PHTF1: variants seen among roughly 807,000 people sequenced by gnomAD.
PHTF1 encodes putative homeodomain transcription factor 1.
A neutral mutation model predicts 102.4 loss-of-function variants in PHTF1; 88 were observed. That is an observed-to-expected ratio of 0.86 (90% CI 0.72 to 1.03). PHTF1 has a LOEUF of 1.03. Ranked by LOEUF, PHTF1 falls within the 50% of genes least tolerant of loss-of-function variation. The pLI, the probability that PHTF1 is intolerant of heterozygous loss-of-function variation, is 0.00. For missense variants in PHTF1, 814 were observed against 909.5 expected (o/e 0.89, Z 1.35); for synonymous variants, 289 against 305.2 (o/e 0.95, Z 0.55).
rs764538162 is a variant in PHTF1, at chr1:113,710,297, T to C, written c.1226A>G (p.His409Arg). The change falls in exon 11 of 19, where the codon CAC becomes CGC. Residue 409 changes from histidine (H) to arginine (R), a missense_variant. Coordinates refer to ENST00000369604, the MANE Select transcript of PHTF1 (RefSeq NM_001323043.2). Reference protein sequence around the residue: ...DSEGAHVNTLHSGTKRDPKED... With the variant: ...DSEGAHVNTLRSGTKRDPKED... ...TTTGGGGTCACGTTTGGTCCCTGAG[T>C]GAAGGGTATTCACATGGGCCCCCTC... The C allele has an allele frequency of 1.9e-6, 3 of 1,613,932 alleles. No individual in the cohort carries two copies. The highest frequency in any genetic ancestry group is 1.7e-5 in the Admixed American group (1 of 60,026).
rs1473034077 is a variant in PHTF1, at chr1:113,700,186, C to T, written c.2047-387G>A. The stretch of plus-strand genomic sequence containing the variant: ...TTTATGGAACAGAAGAAGATAGCTC[C>T]TTTTACTTTACTAATTCCTTATATT... On this transcript the variant is annotated intron_variant, in intron 16 of 18. Coordinates refer to ENST00000369604, the MANE Select transcript of PHTF1 (RefSeq NM_001323043.2). 2.2e-5 allele frequency: 21 copies of T among 953,376 alleles called. 1 individual carries two copies. In the African/African-American group the frequency reaches 3.5e-4, roughly 16 times the overall value. The allele number at this position is 953,376 out of a possible 1,614,324, so 59.1% of individuals were successfully genotyped here.
intron 5 of PHTF1, among the ~76,000 whole-genome samples, chr1:113,728,637 T>C (rs1156581302): frequency 6.6e-6 from 1 of 152,186 alleles, no homozygotes; most frequent in Admixed American, 6.5e-5. Context: ...GGTTGGGCAC[T>C]GTGGCTCATG....
rs917043534 is a variant in PHTF1, at chr1:113,710,396, G to A, written c.1127C>T (p.Ser376Leu). The change falls in exon 11 of 19, where the codon TCG becomes TTG. Residue 376 changes from serine (S) to leucine (L), a missense_variant. Coordinates refer to ENST00000369604, the MANE Select transcript of PHTF1 (RefSeq NM_001323043.2). ...GTCCCATAACATGTCCTCAGTCTCC[G>A]AGTCATGGCGGGTGCTTTCTGAGTC... ...RRDSESTRHD[S>L]ETEDMLWDDL... is the part of the protein sequence containing the mutation. The A allele has an allele frequency of 3.7e-6, 6 of 1,613,996 alleles. No homozygotes were observed. Among genetic ancestry groups the A allele is most frequent in the African/African-American group, 1.3e-5 (1 of 74,916 alleles).
At chr1:113,744,485 T>C (rs868442296) in intron 3 of PHTF1, among the ~76,000 whole-genome samples, 2 of 152,198 alleles carry the variant, frequency 1.3e-5, no homozygotes, top group Non-Finnish European at 2.9e-5. Flanking sequence ...TTGGGGCATA[T>C]GGTGAACAAC....
At chr1:113,713,686 G>T in intron 7 of PHTF1, 1 of 389,736 alleles carries the variant, frequency 2.6e-6, no homozygotes, top group South Asian at 2.9e-5. Context: ...ACTTTTCAGT[G>T]TTGCACAAAA....
upstream of PHTF1, among the ~76,000 whole-genome samples, chr1:113,759,861 G>A (rs566167715): frequency 6.6e-6 from 1 of 152,312 alleles, no homozygotes; most frequent in East Asian, 1.9e-4. Flanking sequence ...CTGGGGCCTG[G>A]CACAAGCCTG....
At chr1:113,723,694 A>G (rs1653361164) in intron 7 of PHTF1, among the ~76,000 whole-genome samples, 1 of 152,250 alleles carries the variant, frequency 6.6e-6, no homozygotes, top group African/African-American at 2.4e-5. Context: ...CATTAGGGAA[A>G]CTCTCCAGAT....
At chr1:113,698,181 ACACACAC>A in intron 18 of PHTF1, 74 bp downstream of exon 18, 1 of 739,698 alleles carries the variant, frequency 1.4e-6, no homozygotes, top group Non-Finnish European at 2.2e-6. Flanking sequence ...ACACACACAC[ACACACAC>A]GTGTGAAGAA....
At chr1:113,713,463 G>T (rs757623397) in intron 7 of PHTF1, 25 bp from the exon 8 acceptor site, 1 of 1,363,830 alleles carries the variant, frequency 7.3e-7, no homozygotes, top group Non-Finnish European at 1.0e-6. Flanking sequence ...AGGAAAAGAA[G>T]ATTAATTTTT....
At position 113,748,098 on chromosome 1, in the gene PHTF1, C is replaced by T. The variant is rs1371303385; in HGVS notation, c.103-9299G>A. Among the ~76,000 whole-genome samples, 8 of 152,144 alleles carry T rather than the reference C, an allele frequency of 5.3e-5. No homozygotes were observed. The East Asian group carries it at 1.2e-3, about 22-fold the overall frequency. On this transcript the variant is annotated intron_variant, in intron 3 of 18. Coordinates refer to ENST00000369604, the MANE Select transcript of PHTF1 (RefSeq NM_001323043.2). ...GCTCAAAGGACCCTTTCACCTCAGC[C>T]GTCTGAGTAGCTGCGACTACAGGCA...
chr1:113,752,696 T>G (rs565266500), intron 3 of PHTF1, among the ~76,000 whole-genome samples: 2 of 152,282 alleles, frequency 1.3e-5, no homozygotes, highest in Non-Finnish European at 2.9e-5. Context: ...CTGTCATTTT[T>G]TATATATATT....
intron 7 of PHTF1, among the ~76,000 whole-genome samples, chr1:113,719,978 G>C (rs1265673745): frequency 6.6e-6 from 1 of 152,146 alleles, no homozygotes; most frequent in East Asian, 1.9e-4. Context: ...AGAAACTCCT[G>C]ATAAACCCAT....
chr1:113,733,253 A>G (rs1360575661), intron 5 of PHTF1, among the ~76,000 whole-genome samples: 1 of 151,876 alleles, frequency 6.6e-6, no homozygotes, highest in African/African-American at 2.4e-5. Flanking sequence ...ATGGTAAAAC[A>G]GGTACTCTCA....
chr1:113,723,812 GA>G (rs1653384894), intron 7 of PHTF1, among the ~76,000 whole-genome samples: 1 of 152,062 alleles, frequency 6.6e-6, no homozygotes, highest in Non-Finnish European at 1.5e-5. Context: ...TATAGCAAAG[GA>G]AACAATCAAC....
chr1:113,757,650 T>G (rs1659078735), intron 3 of PHTF1, 49 bp downstream of exon 3: 1 of 1,170,708 alleles, frequency 8.5e-7, no homozygotes, highest in South Asian at 1.2e-5. Flanking sequence ...AATTCCACTC[T>G]TCATATTAAT....
chr1:113,697,853 C>A, intron 18 of PHTF1, 128 bp from the exon 19 acceptor site: 1 of 672,916 alleles, frequency 1.5e-6, no homozygotes, highest in Non-Finnish European at 2.6e-6. Flanking sequence ...CTGGCAATAG[C>A]AACCATAGAA....
At chr1:113,756,987 GA>G (rs1006418976) in intron 3 of PHTF1, among the ~76,000 whole-genome samples, 112 of 152,162 alleles carry the variant, frequency 7.4e-4, no homozygotes, top group African/African-American at 2.5e-3. Context: ...CTAACACAGT[GA>G]AACCCCGTCT....
intron 3 of PHTF1, among the ~76,000 whole-genome samples, chr1:113,755,767 A>G (rs1421335012): frequency 1.3e-5 from 2 of 152,158 alleles, no homozygotes; most frequent in Non-Finnish European, 2.9e-5. Flanking sequence ...GAGTGAAGGA[A>G]ATCAGGCAGG....
chr1:113,757,451 C>T (rs1659050436), intron 3 of PHTF1, among the ~76,000 whole-genome samples: 1 of 152,226 alleles, frequency 6.6e-6, no homozygotes, highest in Non-Finnish European at 1.5e-5. Flanking sequence ...TAAGTAACCC[C>T]AGCCCTATTT....
Sources: allele counts gnomAD v4.1 joint callset (sites outside exome capture counted in the v4.1 genomes callset), GRCh38; gene constraint gnomAD v4.1.1; transcripts MANE v1.5; gene names NCBI Gene and HGNC (gene_info 2026-07-23, HGNC 2026-07-21).